CTIF: variants seen among roughly 807,000 people sequenced by gnomAD.
CTIF encodes the protein CBP80/20-dependent translation initiation factor.
CTIF carries 21 observed loss-of-function variants against 66.0 expected under a neutral mutation model. The ratio of observed to expected loss-of-function variants is 0.32; its 90% CI spans 0.23 to 0.46. The LOEUF (loss-of-function observed/expected upper bound fraction) is 0.46, where lower values mean the gene tolerates loss of function less well. Among genes scored for constraint, CTIF ranks in the 20% least tolerant of loss-of-function variants. CTIF has a pLI of 1.00. For missense variants in CTIF, 739 were observed against 812.7 expected, an observed-to-expected ratio of 0.91 and a Z score of 1.10; for synonymous variants, 345 against 326.4, an observed-to-expected ratio of 1.06 and a Z score of -0.62.
At chr18:48,780,669 G>C (rs1346453559) in intron 9 of CTIF, among the ~76,000 whole-genome samples, 2 of 152,196 alleles carry the variant, frequency 1.3e-5, no homozygotes, top group African/African-American at 4.8e-5. Context: ...TGCATGCATG[G>C]TGTGCTGGGC....
At chr18:48,573,978 G>A (rs1430273879) in intron 1 of CTIF, among the ~76,000 whole-genome samples, 5 of 152,212 alleles carry the variant, frequency 3.3e-5, no homozygotes, top group African/African-American at 1.2e-4. Context: ...AGCAGTGCTT[G>A]GCCATACAGG....
At chr18:48,659,699 G>A (rs763193001) in intron 3 of CTIF, among the ~76,000 whole-genome samples, 5 of 152,196 alleles carry the variant, frequency 3.3e-5, no homozygotes, top group Non-Finnish European at 7.3e-5. Flanking sequence ...GTGAGACCCG[G>A]CCCAAAGGCC....
At chr18:48,806,057 A>G (rs2064809373) in intron 9 of CTIF, among the ~76,000 whole-genome samples, 1 of 152,160 alleles carries the variant, frequency 6.6e-6, no homozygotes, top group African/African-American at 2.4e-5. Flanking sequence ...CTGGGAAGGA[A>G]GCATAGCAGA....
intron 9 of CTIF, among the ~76,000 whole-genome samples, chr18:48,788,194 C>T (rs1328347461): frequency 3.3e-5 from 5 of 152,142 alleles, no homozygotes; most frequent in African/African-American, 1.2e-4. Context: ...GTCTCTTTCC[C>T]AGAAGAGGGG....
At position 48,761,364 on chromosome 18, in the gene CTIF, C is replaced by T. The variant is rs1287454879; in HGVS notation, c.1072-26C>T. The T allele has an allele frequency of 2.5e-6, 4 of 1,605,832 alleles. No individual in the cohort carries two copies. The highest frequency in any genetic ancestry group is 2.2e-5 in the East Asian group (1 of 44,728). The stretch of plus-strand genomic sequence containing the variant: ...CAGAGACCTCGGCTTCACTCAGGCA[C>T]ATTCATTTGTCTCCGACACCCCCAG... On this transcript the variant is annotated intron_variant, in intron 8 of 11. Transcript: ENST00000256413. The surrounding 1 kb of genome is among the most constrained non-coding windows in gnomAD (Gnocchi z 4.2).
At chr18:48,706,903 G>A (rs974873463) in intron 6 of CTIF, among the ~76,000 whole-genome samples, 35 of 152,320 alleles carry the variant, frequency 2.3e-4, no homozygotes, top group East Asian at 1.9e-4. Flanking sequence ...TTTAGTTACC[G>A]GAAGTGGTCA....
At chr18:48,784,787 G>A (rs1184157782) in intron 9 of CTIF, among the ~76,000 whole-genome samples, 1 of 152,166 alleles carries the variant, frequency 6.6e-6, no homozygotes, top group Non-Finnish European at 1.5e-5. Context: ...TACCTGTAGA[G>A]CAGTTAACAT....
At chr18:48,780,101 T>C (rs1737091141) in intron 9 of CTIF, among the ~76,000 whole-genome samples, 1 of 152,140 alleles carries the variant, frequency 6.6e-6, no homozygotes, top group Admixed American at 6.5e-5. Context: ...TGATGGCACC[T>C]TTAACTGGTC....
chr18:48,752,548 A>G (rs1358327646), intron 7 of CTIF, among the ~76,000 whole-genome samples: 3 of 152,214 alleles, frequency 2.0e-5, no homozygotes, highest in Non-Finnish European at 4.4e-5. Context: ...CTAGAAGGAC[A>G]AAGCAACCTC....
intron 2 of CTIF, among the ~76,000 whole-genome samples, chr18:48,621,058 T>G (rs1215043234): frequency 6.6e-6 from 1 of 152,208 alleles, no homozygotes; most frequent in Admixed American, 6.5e-5. Flanking sequence ...ATAATTTGTT[T>G]GTTATTCAAT....
rs1052586969 is a variant in CTIF at position 48,649,514 on chromosome 18, C to G, written c.252+12829C>G. Reference sequence around the variant, plus strand: ...CCTGTTGCCTCTGTAGACTCCACCTCTGGGGGCAGCGCATAGCTGAACAAA... The same window carrying G: ...CCTGTTGCCTCTGTAGACTCCACCTGTGGGGGCAGCGCATAGCTGAACAAA... On this transcript the variant is annotated intron_variant, in intron 3 of 11. Transcript: ENST00000256413. 2.6e-5 allele frequency among the ~76,000 whole-genome samples: 4 copies of G among 152,356 alleles called. No homozygotes were observed. In the South Asian group the frequency reaches 6.2e-4, roughly 24 times the overall value.
rs1568065426 is a variant in CTIF at position 48,603,499 on chromosome 18, G to GGATGGATGGATGGA, written c.-28-16039_-28-16038insGATGGATGGATGGA. 8.0e-5 allele frequency among the ~76,000 whole-genome samples: 9 copies of GGATGGATGGATGGA among 113,052 alleles called. 1 individual carries two copies. Among genetic ancestry groups the GGATGGATGGATGGA allele is most frequent in the African/African-American group, 3.2e-4 (9 of 27,848 alleles). The allele number at this position is 113,052 out of a possible 152,430, so 74.2% of individuals were successfully genotyped here. On this transcript the variant is annotated intron_variant, in intron 1 of 11. Transcript: ENST00000256413. Reference sequence around the variant, plus strand: ...GATGGGTGGGTGGGTGGGTGGGTGGGTGGATGGATGGATGGATGGATGGAT... The same window carrying GGATGGATGGATGGA: ...GATGGGTGGGTGGGTGGGTGGGTGGGGATGGATGGATGGATGGATGGATGGATGGATGGATGGAT...
intron 7 of CTIF, among the ~76,000 whole-genome samples, chr18:48,744,055 C>G (rs930969800): frequency 6.6e-6 from 1 of 152,188 alleles, no homozygotes. Flanking sequence ...GTCAAACTGA[C>G]TTGCTTATGG....
intron 3 of CTIF, among the ~76,000 whole-genome samples, chr18:48,637,646 G>C (rs907536): frequency 0.59 from 89,860 of 152,076 alleles, 30,229 homozygotes; most frequent in East Asian, 0.94. Context: ...TGTCCCGAGA[G>C]AAGCTGGTCA....
chr18:48,826,166 C>G (rs1473599246), intron 10 of CTIF: 2 of 152,210 alleles, frequency 1.3e-5, no homozygotes, highest in African/African-American at 4.8e-5. Context: ...TGTTTTCAGG[C>G]TTAAAATAAG....
chr18:48,564,146 C>G (rs1394902080), intron 1 of CTIF, among the ~76,000 whole-genome samples: 1 of 152,168 alleles, frequency 6.6e-6, no homozygotes, highest in Admixed American at 6.5e-5. Context: ...GCTGCATTCC[C>G]CATGGTCCTG....
rs1044156498 is a variant in CTIF at position 48,711,609 on chromosome 18, C to T, written c.508-10C>T. The T allele has an allele frequency of 2.5e-6, 4 of 1,613,036 alleles. No homozygotes were observed. The Admixed American group carries it at 5.0e-5, about 20-fold the overall frequency. ...TACTAATGATCCCCCTTCCTCCCCC[C>T]ATGACACAGGGCTACCACCCGATGC... is the stretch of plus-strand genomic sequence containing the variant. On this transcript the variant is annotated splice_polypyrimidine_tract_variant and intron_variant, in intron 6 of 11. Coordinates refer to ENST00000256413, the MANE Select transcript of CTIF (RefSeq NM_014772.3).
intron 1 of CTIF, among the ~76,000 whole-genome samples, chr18:48,612,379 G>A (rs1388948092): frequency 6.6e-6 from 1 of 152,222 alleles, no homozygotes; most frequent in Non-Finnish European, 1.5e-5. Flanking sequence ...CCACCTGACA[G>A]CCTGCAAGGG....
intron 10 of CTIF, among the ~76,000 whole-genome samples, chr18:48,855,225 T>C (rs1241234320): frequency 6.6e-6 from 1 of 152,238 alleles, no homozygotes; most frequent in East Asian, 1.9e-4. Flanking sequence ...TGTGTTGAGA[T>C]CAGAGAGACC....
Sources: gnomAD v4.1 joint callset for allele counts (sites outside exome capture counted in the v4.1 genomes callset) on GRCh38, gnomAD v4.1.1 for gene constraint, Gnocchi (gnomAD v3.1) non-coding constraint, MANE v1.5 for transcripts, NCBI Gene and HGNC (gene_info 2026-07-23, HGNC 2026-07-21) for gene names.